The following PARP11 variants were observed in gnomAD, a reference collection of about 807,000 sequenced individuals.
PARP11 encodes poly(ADP-ribose) polymerase family member 11, also known as protein mono-ADP-ribosyltransferase PARP11.
In PARP11, 31 loss-of-function variants were observed where a neutral mutation model predicts 42.9. The ratio of observed to expected loss-of-function variants is 0.72; its 90% CI spans 0.54 to 0.98. PARP11 has a LOEUF of 0.98. Ranked by LOEUF, PARP11 falls within the 50% of genes least tolerant of loss-of-function variation. PARP11 has a pLI of 0.00. For missense variants in PARP11, 365 were observed against 413.1 expected (o/e 0.88, Z 1.01); for synonymous variants, 137 against 127.3 (o/e 1.08, Z -0.51).
chr12:3,852,431 A>G (rs1948114922), intron 1 of PARP11, among the ~76,000 whole-genome samples: 1 of 152,360 alleles, frequency 6.6e-6, no homozygotes, highest in Non-Finnish European at 1.5e-5. Context: ...ACAGTGTAAG[A>G]GAAGACCTTA....
At position 3,871,620 on chromosome 12, in the gene PARP11, G is replaced by A. The variant is rs528654237; in HGVS notation, c.18+1592C>T. 2.6e-5 allele frequency: 4 copies of A among 152,204 alleles called. No homozygotes were observed. The East Asian group carries it at 7.7e-4, about 29-fold the overall frequency. 9.4% of individuals were successfully genotyped at this position (152,204 alleles called of 1,614,324 possible). On this transcript the variant is annotated intron_variant, in intron 1 of 7. Coordinates refer to ENST00000228820, the MANE Select transcript of PARP11 (RefSeq NM_020367.6). ...GTTAGGAGGCGCACGACTGTATTTA[G>A]TCCAACAACTTGCTGAAATGTGATT...
At chr12:3,819,997 T>C (rs1467086552) in intron 6 of PARP11, among the ~76,000 whole-genome samples, 1 of 152,198 alleles carries the variant, frequency 6.6e-6, no homozygotes, top group Non-Finnish European at 1.5e-5. Context: ...AACTGGTGTC[T>C]GGGGCTCCCT....
Position 3,812,427 on chromosome 12 carries a change from G to T in PARP11, c.713C>A (p.Ala238Asp). ...GAVFGKGTYF[A>D]RDAAYSSRFC... ...ACGACTGGAATAAGCAGCATCTCTA[G>T]CAAAATAGGTTCCTTAAACAAAGAG... Residue 238 changes from alanine (A) to aspartate (D), a missense_variant, in exon 8 of 8, where the codon GCT (alanine) becomes GAT (aspartate). Physicochemically the swap from Ala to Asp is moderately radical, Grantham distance 126. Transcript: ENST00000228820. 1 of 1,606,310 alleles carries T rather than the reference G, an allele frequency of 6.2e-7. No individual in the cohort carries two copies.
chr12:3,852,025 G>T (rs759672992), intron 1 of PARP11, among the ~76,000 whole-genome samples: 1 of 152,212 alleles, frequency 6.6e-6, no homozygotes, highest in Non-Finnish European at 1.5e-5. Context: ...AACTCCAACA[G>T]ACGTGCAGCA....
intron 6 of PARP11, among the ~76,000 whole-genome samples, chr12:3,819,196 G>C (rs758839073): frequency 6.6e-6 from 1 of 152,068 alleles, no homozygotes. Flanking sequence ...TCACTCCATC[G>C]CATACAATAA....
At chr12:3,854,674 C>G (rs1948161612) in intron 1 of PARP11, among the ~76,000 whole-genome samples, 1 of 151,644 alleles carries the variant, frequency 6.6e-6, no homozygotes, top group African/African-American at 2.4e-5. Context: ...AGTCCAGGAC[C>G]AGACAGTCCT....
chr12:3,873,356 C>A lies in PARP11; in HGVS notation c.-127G>T, dbSNP rs1332013773. ...GACGGAGATGCAACCTTTACGAAGG[C>A]CTTCCTCCTCCCCCTCCCTGTCACA... is the stretch of plus-strand genomic sequence containing the variant. On this transcript the variant is annotated 5_prime_UTR_variant, in exon 1 of 8. Coordinates refer to ENST00000228820, the MANE Select transcript of PARP11 (RefSeq NM_020367.6). The A allele has an allele frequency of 6.1e-6, 5 of 818,156 alleles. No homozygotes were observed. In the East Asian group the frequency reaches 1.3e-4, roughly 22 times the overall value. 50.7% of individuals were successfully genotyped at this position (818,156 alleles called of 1,614,324 possible).
chr12:3,868,134 CAAT>C (rs1401558943), intron 1 of PARP11, among the ~76,000 whole-genome samples: 3 of 152,084 alleles, frequency 2.0e-5, no homozygotes, highest in Non-Finnish European at 4.4e-5. Context: ...TCATCCTTCT[CAAT>C]GATAATAAAA....
rs769208780 is a variant in PARP11, at chr12:3,829,941, G to C, written c.96C>G (p.Thr32=). 1 of 1,613,502 alleles carries C rather than the reference G, an allele frequency of 6.2e-7. No individual in the cohort carries two copies. The highest frequency in any genetic ancestry group is 1.3e-5 in the African/African-American group (1 of 74,862). The change falls in exon 2 of 8, where the codon ACC becomes ACG. Residue 32 remains threonine (T), a synonymous_variant. Transcript: ENST00000228820. ...CTGCCAAGTAAAACCAGCCCCACTG[G>C]GTATCTGACGTGTCCATGTCATCCA... ...NEVDDMDTSD[T]QWGWFYLAEC...
intron 1 of PARP11, among the ~76,000 whole-genome samples, chr12:3,844,791 CTT>C (rs921787853): frequency 9.2e-5 from 14 of 152,148 alleles, no homozygotes; most frequent in African/African-American, 3.1e-4. Context: ...AAAGAACTGA[CTT>C]TTGATAGTTT....
rs1025004491 is a variant in PARP11, at chr12:3,830,107, T to C, written c.19-89A>G. 2.4e-6 allele frequency: 3 copies of C among 1,243,602 alleles called. No homozygotes were observed. In the African/African-American group the frequency reaches 4.5e-5, roughly 19 times the overall value. The allele number at this position is 1,243,602 out of a possible 1,614,324, so 77.0% of individuals were successfully genotyped here. Reference sequence around the variant, plus strand: ...GATCATTTTACTTCTTTACAAAGAGTGGTATTCAAGTGTCTTTCCTCCCAT... The same window carrying C: ...GATCATTTTACTTCTTTACAAAGAGCGGTATTCAAGTGTCTTTCCTCCCAT... On this transcript the variant is annotated intron_variant, in intron 1 of 7. Coordinates refer to ENST00000228820, the MANE Select transcript of PARP11 (RefSeq NM_020367.6).
At chr12:3,848,201 CAATT>C (rs1171809750) in intron 1 of PARP11, among the ~76,000 whole-genome samples, 2 of 151,896 alleles carry the variant, frequency 1.3e-5, no homozygotes, top group Non-Finnish European at 2.9e-5. Flanking sequence ...TGAATTGAAA[CAATT>C]AATATTGTTA....
At position 3,821,860 on chromosome 12, in the gene PARP11, G is replaced by A; in HGVS notation, c.548+13C>T. The A allele has an allele frequency of 6.3e-7, 1 of 1,598,462 alleles. No individual in the cohort carries two copies. The highest frequency in any genetic ancestry group is 8.5e-7 in the Non-Finnish European group (1 of 1,176,132). The stretch of plus-strand genomic sequence containing the variant: ...AGTGGAAAGGAGAAGTTTCAGATTA[G>A]AAATCATCTCACCTGCAAAAGAACT... On this transcript the variant is annotated intron_variant, in intron 6 of 7. Transcript: ENST00000228820.
intron 2 of PARP11, 28 bp downstream of exon 2, chr12:3,829,862 T>G (rs1204959133): frequency 6.2e-7 from 1 of 1,612,428 alleles, no homozygotes. Context: ...TCGAAAACAC[T>G]TCTGCTAAAT....
Position 3,873,321 on chromosome 12 carries a change from G to T in PARP11, c.-92C>A. Reference sequence around the variant, plus strand: ...TTTTTTTTTTTCCCGCGGGTCCCCGGGAGCGAAGGGACGGAGATGCAACCT... The same window carrying T: ...TTTTTTTTTTTCCCGCGGGTCCCCGTGAGCGAAGGGACGGAGATGCAACCT... On this transcript the variant is annotated 5_prime_UTR_variant, in exon 1 of 8. Coordinates refer to ENST00000228820, the MANE Select transcript of PARP11 (RefSeq NM_020367.6). The T allele has an allele frequency of 8.1e-7, 1 of 1,237,980 alleles. No homozygotes were observed. The allele number at this position is 1,237,980 out of a possible 1,614,324, so 76.7% of individuals were successfully genotyped here.
At chr12:3,854,610 C>T (rs993577651) in intron 1 of PARP11, among the ~76,000 whole-genome samples, 1 of 152,116 alleles carries the variant, frequency 6.6e-6, no homozygotes, top group Admixed American at 6.6e-5. Context: ...CCTGAATAGA[C>T]CAGTAACAGG....
chr12:3,814,306 A>T, intron 6 of PARP11, 118 bp from the exon 7 acceptor site: 1 of 707,424 alleles, frequency 1.4e-6, no homozygotes, highest in Middle Eastern at 4.5e-4. Flanking sequence ...CTTTAATATA[A>T]ATAACAAGTG....
chr12:3,826,431 C>T (rs951826399), intron 3 of PARP11, among the ~76,000 whole-genome samples, 198 bp from the exon 4 acceptor site: 1 of 152,234 alleles, frequency 6.6e-6, no homozygotes, highest in African/African-American at 2.4e-5. Context: ...CAAGGAAGCA[C>T]AGCTTCATTG....
At chr12:3,843,279 C>A (rs919195946) in intron 1 of PARP11, among the ~76,000 whole-genome samples, 1 of 152,050 alleles carries the variant, frequency 6.6e-6, no homozygotes, top group Non-Finnish European at 1.5e-5. Context: ...GTGTAAATAT[C>A]ATGGTGCCTA....
Sources: allele counts gnomAD v4.1 joint callset (sites outside exome capture counted in the v4.1 genomes callset), GRCh38; gene constraint gnomAD v4.1.1; transcripts MANE v1.5; gene names NCBI Gene and HGNC (gene_info 2026-07-23, HGNC 2026-07-21).